The following MICOS10 variants were observed in gnomAD, a reference collection of about 807,000 sequenced individuals.
The protein encoded by MICOS10 is mitochondrial contact site and cristae organizing system subunit 10, also known as MICOS complex subunit MIC10.
MICOS10 carries 5 observed loss-of-function variants against 13.4 expected under a neutral mutation model. The observed-to-expected ratio is 0.37, with a 90% confidence interval of 0.20 to 0.78. The LOEUF (loss-of-function observed/expected upper bound fraction) is 0.78, where lower values mean the gene tolerates loss of function less well. Ranked by LOEUF, MICOS10 falls within the 30% of genes least tolerant of loss-of-function variation. The probability of loss-of-function intolerance (pLI) is 0.47; values close to 1 mark genes in which losing one functional copy is unlikely to be tolerated. For missense variants in MICOS10, 101 were observed against 94.6 expected (o/e 1.07, Z -0.28); for synonymous variants, 35 against 33.6 (o/e 1.04, Z -0.15).
At chr1:19,619,627 G>A (rs2094896342) in intron 1 of MICOS10, among the ~76,000 whole-genome samples, 1 of 152,092 alleles carries the variant, frequency 6.6e-6, no homozygotes, top group East Asian at 1.9e-4. Flanking sequence ...AGAGTTTTCT[G>A]TTCTTTTTAC....
intron 1 of MICOS10, among the ~76,000 whole-genome samples, chr1:19,597,462 G>T (rs2094796827): frequency 6.6e-6 from 1 of 152,196 alleles, no homozygotes; most frequent in Non-Finnish European, 1.5e-5. Context: ...TGCATTCCCC[G>T]GCACGCGGCG....
chr1:19,597,245 GA>G, intron 1 of MICOS10, 136 bp downstream of exon 1: 1 of 908,570 alleles, frequency 1.1e-6, no homozygotes, highest in Non-Finnish European at 1.6e-6. Flanking sequence ...CGGCCAGGGC[GA>G]GCCGCCCGGG....
chr1:19,617,906 A>T (rs1320979), intron 1 of MICOS10, among the ~76,000 whole-genome samples: 16,569 of 151,542 alleles, frequency 0.11, 3,073 homozygotes, highest in African/African-American at 0.38. Context: ...TCTATTAAAA[A>T]ATATATATAT....
At chr1:19,620,762 T>C (rs10489858) in intron 1 of MICOS10, among the ~76,000 whole-genome samples, 18,955 of 152,240 alleles carry the variant, frequency 0.12, 1,284 homozygotes, top group African/African-American at 0.17. Flanking sequence ...ATCTTTTTGA[T>C]TGAGTGGTAC....
intron 1 of MICOS10, among the ~76,000 whole-genome samples, chr1:19,616,006 C>T (rs1412938296): frequency 6.6e-6 from 1 of 151,986 alleles, no homozygotes; most frequent in Non-Finnish European, 1.5e-5. Flanking sequence ...GCAATCTTCG[C>T]CTCCCAGGTT....
Position 19,622,091 on chromosome 1 carries a change from T to A in MICOS10, c.65-9T>A, listed in dbSNP as rs2094905781. Reference sequence around the variant, plus strand: ...TGAGATTTAGCATGTTTTTTCTCCCTCTTTGTAGGTACTGGTTTTGGATTA... The same window carrying A: ...TGAGATTTAGCATGTTTTTTCTCCCACTTTGTAGGTACTGGTTTTGGATTA... On this transcript the variant is annotated splice_polypyrimidine_tract_variant and intron_variant, in intron 1 of 3. Transcript: ENST00000322753. 6.2e-7 allele frequency: 1 copy of A among 1,608,814 alleles called. No individual in the cohort carries two copies. Among genetic ancestry groups the A allele is most frequent in the East Asian group, 2.2e-5 (1 of 44,840 alleles).
chr1:19,604,508 C>G (rs1558338099), intron 1 of MICOS10, among the ~76,000 whole-genome samples: 3 of 151,986 alleles, frequency 2.0e-5, no homozygotes. Context: ...GACTTGGTCT[C>G]AAATAAATAA....
rs1438694080 is a variant in MICOS10 at position 19,628,762 on chromosome 1, T to A, written c.*2361T>A. The stretch of plus-strand genomic sequence containing the variant: ...ATCCTCATTCAGGCAGAGAGAAGAA[T>A]AACATGCCCCCTTCCAAAAAAGACA... On this transcript the variant is annotated 3_prime_UTR_variant, in exon 4 of 4. Coordinates refer to ENST00000322753, the MANE Select transcript of MICOS10 (RefSeq NM_001032363.4). 2 of 145,142 alleles carry A rather than the reference T, an allele frequency of 1.4e-5. No individual in the cohort carries two copies. The highest frequency in any genetic ancestry group is 3.0e-5 in the Non-Finnish European group (2 of 66,816). The allele number at this position is 145,142 out of a possible 1,614,324, so 9.0% of individuals were successfully genotyped here. A position where few individuals can be genotyped will look rare whatever the true frequency, so the allele number is the denominator to read the frequency against.
Position 19,622,107 on chromosome 1 carries a change from T to C in MICOS10, c.72T>C (p.Gly24=). Residue 24 remains glycine (G), a synonymous_variant, in exon 2 of 4, where the codon GGT becomes GGC. Coordinates refer to ENST00000322753, the MANE Select transcript of MICOS10 (RefSeq NM_001032363.4). ...LADAVVKIGT[G]FGLGIVFSLT... ...TTTTCTCCCTCTTTGTAGGTACTGG[T>C]TTTGGATTAGGAATTGTTTTCTCAC... is the stretch of plus-strand genomic sequence containing the variant. 1 of 1,611,636 alleles carries C rather than the reference T, an allele frequency of 6.2e-7. No homozygotes were observed. Among genetic ancestry groups the C allele is most frequent in the East Asian group, 2.2e-5 (1 of 44,858 alleles).
In MICOS10 at chr1:19,615,911, A is replaced by T. The variant is rs1414313286; in HGVS notation, c.65-6189A>T. Among the ~76,000 whole-genome samples, 6 of 148,462 alleles carry T rather than the reference A, an allele frequency of 4.0e-5. 1 individual carries two copies. The highest frequency in any genetic ancestry group is 2.0e-4 in the Admixed American group (3 of 14,816). ...ATTAATGATACTGTTTCTCCATTGA[A>T]TTTTTTTTTTTAATTTTTATTTTTT... On this transcript the variant is annotated intron_variant, in intron 1 of 3. Coordinates refer to ENST00000322753, the MANE Select transcript of MICOS10 (RefSeq NM_001032363.4).
At chr1:19,624,179 C>A (rs868702275) in intron 3 of MICOS10, among the ~76,000 whole-genome samples, 5 of 152,028 alleles carry the variant, frequency 3.3e-5, no homozygotes, top group Admixed American at 2.6e-4. Context: ...GGAGCTTCAC[C>A]ATGTTGGCCA....
rs1396208543 is a variant in MICOS10, at chr1:19,628,715, C to T, written c.*2314C>T. The T allele has an allele frequency of 6.6e-6, 1 of 151,622 alleles. No individual in the cohort carries two copies. Among genetic ancestry groups the T allele is most frequent in the African/African-American group, 2.4e-5 (1 of 41,210 alleles). 9.4% of individuals were successfully genotyped at this position (151,622 alleles called of 1,614,324 possible). A position where few individuals can be genotyped will look rare whatever the true frequency, so the allele number is the denominator to read the frequency against. On this transcript the variant is annotated 3_prime_UTR_variant, in exon 4 of 4. Transcript: ENST00000322753. ...AAAAAAAAAAAAGCATTTTCCTTCC[C>T]CAATTTTTCTGTCATTTTCCCATCC...
At chr1:19,615,137 A>G (rs1473816259) in intron 1 of MICOS10, among the ~76,000 whole-genome samples, 1 of 152,196 alleles carries the variant, frequency 6.6e-6, no homozygotes, top group East Asian at 1.9e-4. Context: ...GGTAAAATGG[A>G]CTTCTTTCTG....
intron 3 of MICOS10, among the ~76,000 whole-genome samples, chr1:19,624,832 G>C (rs2094916647): frequency 6.6e-6 from 1 of 152,208 alleles, no homozygotes; most frequent in South Asian, 2.1e-4. Flanking sequence ...TAAAATGAAT[G>C]AATGAGGTAA....
chr1:19,621,691 C>G (rs2094904175), intron 1 of MICOS10, among the ~76,000 whole-genome samples: 2 of 152,192 alleles, frequency 1.3e-5, no homozygotes, highest in Admixed American at 1.3e-4. Flanking sequence ...GTAGCCATCA[C>G]TCCAAGTGCT....
chr1:19,616,117 C>T (rs756485622), intron 1 of MICOS10, among the ~76,000 whole-genome samples: 2 of 151,946 alleles, frequency 1.3e-5, no homozygotes, highest in African/African-American at 2.4e-5. Context: ...GGGTTCACCA[C>T]GTTGGCCAGG....
In MICOS10 at chr1:19,623,676, C is replaced by A. The variant is rs1021434078; in HGVS notation, c.222+93C>A. On this transcript the variant is annotated intron_variant, in intron 3 of 3. Transcript: ENST00000322753. Reference sequence around the variant, plus strand: ...CTTTAGACTGTTTGTAATGAGTAAACCATGTGTGTCATTGTGGCACCACTC... The same window carrying A: ...CTTTAGACTGTTTGTAATGAGTAAAACATGTGTGTCATTGTGGCACCACTC... 1.1e-5 allele frequency: 9 copies of A among 836,516 alleles called. No homozygotes were observed. The African/African-American group carries it at 1.4e-4, about 13-fold the overall frequency. The allele number at this position is 836,516 out of a possible 1,614,324, so 51.8% of individuals were successfully genotyped here.
At position 19,629,418 on chromosome 1, in the gene MICOS10, A is replaced by G. The variant is rs2094931694; in HGVS notation, c.*3017A>G. 1.3e-5 allele frequency: 2 copies of G among 152,218 alleles called. No homozygotes were observed. The highest frequency in any genetic ancestry group is 6.5e-5 in the Admixed American group (1 of 15,282). 9.4% of individuals were successfully genotyped at this position (152,218 alleles called of 1,614,324 possible). Reference sequence around the variant, plus strand: ...ACACTGTATAATTTGGCCCAGAACAATATGTATTTTGAGCTCATTTAGGTG... The same window carrying G: ...ACACTGTATAATTTGGCCCAGAACAGTATGTATTTTGAGCTCATTTAGGTG... On this transcript the variant is annotated 3_prime_UTR_variant, in exon 4 of 4. Coordinates refer to ENST00000322753, the MANE Select transcript of MICOS10 (RefSeq NM_001032363.4).
chr1:19,621,737 C>G (rs1262167465), intron 1 of MICOS10, among the ~76,000 whole-genome samples: 1 of 152,148 alleles, frequency 6.6e-6, no homozygotes, highest in East Asian at 1.9e-4. Context: ...GGCACTATCT[C>G]ATGTTTTGGC....
Sources: gnomAD v4.1 joint callset for allele counts (sites outside exome capture counted in the v4.1 genomes callset) on GRCh38, gnomAD v4.1.1 for gene constraint, MANE v1.5 for transcripts, NCBI Gene and HGNC (gene_info 2026-07-23, HGNC 2026-07-21) for gene names.